Variants in NOS1 observed in about 807,000 individuals in gnomAD.
The protein encoded by NOS1 is nitric oxide synthase 1.
NOS1 carries 51 observed loss-of-function variants against 164.5 expected under a neutral mutation model. The observed-to-expected ratio is 0.31, with a 90% CI of 0.25 to 0.39. The LOEUF is 0.39. NOS1 is among the 10% of genes least tolerant of loss of function. The pLI, the probability that NOS1 is intolerant of heterozygous loss-of-function variation, is 1.00. For synonymous variants in NOS1, 719 were observed against 745.8 expected (o/e 0.96, Z 0.59); for missense variants, 1,362 against 1,885.6 (o/e 0.72, Z 5.14).
In NOS1 at chr12:117,243,546, C is replaced by T; in HGVS notation, c.2824-111G>A. On this transcript the variant is annotated intron_variant, in intron 18 of 28. Transcript: ENST00000317775. This position sits in a 1 kb window ranked among gnomAD's most constrained non-coding sequence, Gnocchi z 4.3. ...TCATTCACCCATCCATCCATCTATC[C>T]AACCATCCATCCATCCATCCATCCA... 1 of 1,199,168 alleles carries T rather than the reference C, an allele frequency of 8.3e-7. No individual in the cohort carries two copies. The highest frequency in any genetic ancestry group is 1.2e-6 in the Non-Finnish European group (1 of 856,404). 74.3% of individuals were successfully genotyped at this position (1,199,168 alleles called of 1,614,324 possible). A position where few individuals can be genotyped will look rare whatever the true frequency, so the allele number is the denominator to read the frequency against.
At chr12:117,325,452 C>CTGGCATTGTAGTAGTAGGGAGG (rs1459705518) in intron 2 of NOS1, among the ~76,000 whole-genome samples, 2 of 152,052 alleles carry the variant, frequency 1.3e-5, no homozygotes, top group African/African-American at 4.8e-5. Context: ...GGGGGTGCTC[C>CTGGCATTGTAGTAGTAGGGAGG]TGGCATTGTA....
chr12:117,219,850 C>A (rs907133207), intron 27 of NOS1, among the ~76,000 whole-genome samples: 2 of 152,152 alleles, frequency 1.3e-5, no homozygotes, highest in South Asian at 2.1e-4. Context: ...TCACACACAG[C>A]CTCCAGTCAT....
chr12:117,330,213 G>A lies in NOS1; in HGVS notation c.725+132C>T. The A allele has an allele frequency of 7.3e-7, 1 of 1,374,226 alleles. No individual in the cohort carries two copies. Among genetic ancestry groups the A allele is most frequent in the South Asian group, 1.9e-5 (1 of 53,678 alleles). 85.1% of individuals were successfully genotyped at this position (1,374,226 alleles called of 1,614,324 possible). A position where few individuals can be genotyped will look rare whatever the true frequency, so the allele number is the denominator to read the frequency against. ...ATCAAGGGGGCCGTCAAGTGGTTAT[G>A]CAAAAACAGGTATCTGAGACAGCCC... On this transcript the variant is annotated intron_variant, in intron 2 of 28. Transcript: ENST00000317775. This position sits in a 1 kb window ranked among gnomAD's most constrained non-coding sequence, Gnocchi z 4.6.
intron 8 of NOS1, 45 bp from the exon 9 acceptor site, chr12:117,278,143 T>C: frequency 3.2e-6 from 5 of 1,567,214 alleles, no homozygotes; most frequent in Non-Finnish European, 4.3e-6. Flanking sequence ...CCCCACACCC[T>C]ACAAACACAA....
At chr12:117,224,268 C>T (rs1214834679) in intron 25 of NOS1, among the ~76,000 whole-genome samples, 2 of 152,034 alleles carry the variant, frequency 1.3e-5, no homozygotes, top group African/African-American at 4.8e-5. Context: ...TCAATAAATC[C>T]TTGTTTTATT....
At chr12:117,219,283 T>C (rs1363874154) in intron 27 of NOS1, among the ~76,000 whole-genome samples, 1 of 149,924 alleles carries the variant, frequency 6.7e-6, no homozygotes, top group Non-Finnish European at 1.5e-5. Context: ...ACCCAGCCAT[T>C]TTTTGTTTTG....
chr12:117,327,483 G>C (rs1875312111), intron 2 of NOS1, among the ~76,000 whole-genome samples: 1 of 152,176 alleles, frequency 6.6e-6, no homozygotes, highest in Admixed American at 6.5e-5. Context: ...TGTGCTGCTG[G>C]AGGGACCCAT....
chr12:117,237,526 G>A (rs1004534383), intron 20 of NOS1, among the ~76,000 whole-genome samples: 8 of 152,086 alleles, frequency 5.3e-5, no homozygotes, highest in Admixed American at 3.3e-4. Flanking sequence ...GCAGCCATTT[G>A]GGCCCTATTC....
chr12:117,227,593 C>A lies in NOS1; in HGVS notation c.3454G>T (p.Val1152Leu). 6.2e-7 allele frequency: 1 copy of A among 1,614,026 alleles called. No individual in the cohort carries two copies. The highest frequency in any genetic ancestry group is 8.5e-7 in the Non-Finnish European group (1 of 1,179,966). ...GATGGGAACTCCTCCAGCACCTCCACGATGGTGGGGTTCTTGCCCCATTTC... is the reference window on the plus strand; with the variant it reads ...GATGGGAACTCCTCCAGCACCTCCAAGATGGTGGGGTTCTTGCCCCATTTC... Reference protein sequence around the residue: ...EWKWGKNPTIVEVLEEFPSIQ... With the variant: ...EWKWGKNPTILEVLEEFPSIQ... The change falls in exon 23 of 29, where the codon GTG becomes TTG. Residue 1152 changes from valine to leucine, a missense_variant. By Grantham distance (32) the Val-to-Leu change is conservative (BLOSUM62 1). Coordinates refer to ENST00000317775, the MANE Select transcript of NOS1 (RefSeq NM_000620.5).
intron 7 of NOS1, among the ~76,000 whole-genome samples, chr12:117,284,203 T>C (rs529116258): frequency 2.0e-5 from 3 of 152,344 alleles, no homozygotes; most frequent in South Asian, 4.1e-4. Context: ...GGAATATCTC[T>C]GCAGTGATCC....
At position 117,308,940 on chromosome 12, in the gene NOS1, A is replaced by G. The variant is rs551748450; in HGVS notation, c.852+2526T>C. On this transcript the variant is annotated intron_variant, in intron 3 of 28. Coordinates refer to ENST00000317775, the MANE Select transcript of NOS1 (RefSeq NM_000620.5). The stretch of plus-strand genomic sequence containing the variant: ...AGAGAAGCTGTAGATATATTTATGT[A>G]AAAATTTGAAACATTGGCAATACAT... Among the ~76,000 whole-genome samples, 4 of 152,266 alleles carry G rather than the reference A, an allele frequency of 2.6e-5. No homozygotes were observed. In the East Asian group the frequency reaches 7.7e-4, roughly 29 times the overall value.
At chr12:117,230,521 G>A (rs1187432665) in intron 22 of NOS1, among the ~76,000 whole-genome samples, 1 of 152,008 alleles carries the variant, frequency 6.6e-6, no homozygotes, top group Non-Finnish European at 1.5e-5. Flanking sequence ...CCTCTTCCTT[G>A]CTGCCCACCA....
At chr12:117,305,955 C>T (rs1001901157) in intron 3 of NOS1, among the ~76,000 whole-genome samples, 5 of 151,898 alleles carry the variant, frequency 3.3e-5, no homozygotes, top group Non-Finnish European at 4.4e-5. Context: ...CACGCCTGGG[C>T]TCATTCTCGT....
intron 17 of NOS1, among the ~76,000 whole-genome samples, chr12:117,250,214 C>G (rs1211033896): frequency 6.6e-6 from 1 of 152,118 alleles, no homozygotes; most frequent in East Asian, 1.9e-4. Context: ...CCCCTCAAAT[C>G]TACACTCATA....
At chr12:117,257,081 T>A (rs930505763) in intron 16 of NOS1, among the ~76,000 whole-genome samples, 2 of 151,638 alleles carry the variant, frequency 1.3e-5, no homozygotes, top group African/African-American at 4.8e-5. Flanking sequence ...TCAAAAAAAA[T>A]TTTTTTATTT....
intron 27 of NOS1, 130 bp downstream of exon 27, chr12:117,219,945 G>C (rs1025762659): frequency 7.0e-6 from 6 of 855,686 alleles, no homozygotes; most frequent in Non-Finnish European, 1.1e-5. Context: ...TACCCTCAGT[G>C]GTAAGTGCAA....
intron 1 of NOS1, among the ~76,000 whole-genome samples, chr12:117,333,068 C>T (rs763658715): frequency 2.0e-5 from 3 of 152,132 alleles, no homozygotes; most frequent in Admixed American, 6.5e-5. Context: ...CATGTGCCCA[C>T]GGGGCCGTGT....
At chr12:117,301,295 T>C (rs1161515169) in intron 3 of NOS1, among the ~76,000 whole-genome samples, 2 of 149,154 alleles carry the variant, frequency 1.3e-5, no homozygotes, top group African/African-American at 2.4e-5. Context: ...ACCTGGCTAA[T>C]ATTTTTTGTA....
intron 2 of NOS1, among the ~76,000 whole-genome samples, chr12:117,316,078 T>A (rs1265783461): frequency 6.6e-6 from 1 of 152,220 alleles, no homozygotes; most frequent in African/African-American, 2.4e-5. Flanking sequence ...ATGGAGGAAC[T>A]AAATTTTAAA....
Sources: gnomAD v4.1 joint callset for allele counts (sites outside exome capture counted in the v4.1 genomes callset) on GRCh38, gnomAD v4.1.1 for gene constraint, Gnocchi (gnomAD v3.1) non-coding constraint, MANE v1.5 for transcripts, NCBI Gene and HGNC (gene_info 2026-07-23, HGNC 2026-07-21) for gene names.